The following TNIK variants were observed in gnomAD, a reference collection of about 807,000 sequenced individuals.
TNIK encodes TRAF2 and NCK interacting kinase.
TNIK carries 49 observed loss-of-function variants against 191.3 expected under a neutral mutation model. The observed-to-expected ratio is 0.26, with a 90% CI of 0.20 to 0.32. The LOEUF is 0.32. Ranked by LOEUF, TNIK falls within the 10% of genes least tolerant of loss-of-function variation. The pLI, the probability that TNIK is intolerant of heterozygous loss-of-function variation, is 1.00. For synonymous variants in TNIK, 594 were observed against 600.9 expected, an observed-to-expected ratio of 0.99 and a Z score of 0.17; for missense variants, 1,155 against 1,702.3, an observed-to-expected ratio of 0.68 and a Z score of 5.66.
At chr3:171,193,278 GC>G (rs1329841388) in intron 5 of TNIK, among the ~76,000 whole-genome samples, 1 of 152,156 alleles carries the variant, frequency 6.6e-6, no homozygotes, top group African/African-American at 2.4e-5. Context: ...CTTCAAGATT[GC>G]CTTGGTTATT....
At chr3:171,186,405 T>G (rs548788885) in intron 7 of TNIK, among the ~76,000 whole-genome samples, 4 of 152,250 alleles carry the variant, frequency 2.6e-5, no homozygotes, top group Non-Finnish European at 5.9e-5. Flanking sequence ...TACTATTTGA[T>G]TTGTCTAAGA....
In TNIK at chr3:171,087,337, C is replaced by T; in HGVS notation, c.2886+5G>A. On this transcript the variant is annotated splice_donor_5th_base_variant and intron_variant, in intron 24 of 32. Coordinates refer to ENST00000436636, the MANE Select transcript of TNIK (RefSeq NM_015028.4). ...CTGTCATGTCAGCTGTTGCCCAGCA[C>T]CTACTTCAGTCCCAGAGTCCATCTC... 1 of 1,613,788 alleles carries T rather than the reference C, an allele frequency of 6.2e-7. No individual in the cohort carries two copies. Among genetic ancestry groups the T allele is most frequent in the Non-Finnish European group, 8.5e-7 (1 of 1,179,858 alleles).
At chr3:171,295,890 C>T (rs1345313864) in intron 2 of TNIK, among the ~76,000 whole-genome samples, 2 of 152,196 alleles carry the variant, frequency 1.3e-5, no homozygotes, top group Non-Finnish European at 2.9e-5. Context: ...CTCCCAGGAT[C>T]TTTCTTTGAC....
chr3:171,415,973 C>CAAAAAAAAAAAAAAAAAAAAAAAAAAA (rs769531813), intron 1 of TNIK, among the ~76,000 whole-genome samples: 1 of 12,590 alleles, frequency 7.9e-5, no homozygotes, highest in Non-Finnish European at 1.3e-4. Flanking sequence ...GAGACTGTCT[C>CAAAAAAAAAAAAAAAAAAAAAAAAAAA]AAAAAAAAAA....
chr3:171,370,321 A>T (rs1716315154), intron 1 of TNIK, among the ~76,000 whole-genome samples: 1 of 152,222 alleles, frequency 6.6e-6, no homozygotes, highest in African/African-American at 2.4e-5. Context: ...AGGATTTAGA[A>T]TGCAAACTAA....
chr3:171,080,597 C>T (rs555812597), intron 27 of TNIK, among the ~76,000 whole-genome samples: 13 of 152,126 alleles, frequency 8.5e-5, no homozygotes, highest in African/African-American at 2.9e-4. Context: ...TCCCAGCATG[C>T]TCAGCTAATT....
At chr3:171,195,499 C>G (rs1313988024) in intron 4 of TNIK, among the ~76,000 whole-genome samples, 1 of 152,084 alleles carries the variant, frequency 6.6e-6, no homozygotes. Flanking sequence ...AGAGACAGAA[C>G]TAAAATGGAG....
At chr3:171,171,165 T>C (rs1185498141) in intron 9 of TNIK, among the ~76,000 whole-genome samples, 3 of 152,344 alleles carry the variant, frequency 2.0e-5, no homozygotes, top group South Asian at 4.1e-4. Context: ...TGGGCTGTTA[T>C]CTCCAAGAAG....
At chr3:171,232,228 T>C (rs559276491) in intron 2 of TNIK, among the ~76,000 whole-genome samples, 32 of 152,098 alleles carry the variant, frequency 2.1e-4, no homozygotes, top group Admixed American at 8.5e-4. Context: ...TGCACGTCTG[T>C]ACACCCAGCT....
intron 15 of TNIK, among the ~76,000 whole-genome samples, chr3:171,134,509 T>C (rs1729708121): frequency 6.6e-6 from 1 of 152,208 alleles, no homozygotes; most frequent in South Asian, 2.1e-4. Flanking sequence ...CTCTAACTAC[T>C]CCTGGGTTCC....
At chr3:171,251,992 C>T (rs1318565278) in intron 2 of TNIK, among the ~76,000 whole-genome samples, 2 of 149,896 alleles carry the variant, frequency 1.3e-5, no homozygotes, top group African/African-American at 5.0e-5. Context: ...AGGGCAATTG[C>T]AACATTTTTG....
At chr3:171,206,253 A>G (rs924048892) in intron 4 of TNIK, among the ~76,000 whole-genome samples, 3 of 151,694 alleles carry the variant, frequency 2.0e-5, no homozygotes, top group Admixed American at 6.6e-5. Context: ...ATGTATATAT[A>G]TGATGATATG....
At chr3:171,390,778 G>C (rs1719397125) in intron 1 of TNIK, among the ~76,000 whole-genome samples, 2 of 152,212 alleles carry the variant, frequency 1.3e-5, no homozygotes, top group Admixed American at 1.3e-4. Flanking sequence ...TGAGATAACT[G>C]TGCTGGCTTA....
chr3:171,367,488 G>A (rs1409090589), intron 2 of TNIK, among the ~76,000 whole-genome samples: 7 of 149,346 alleles, frequency 4.7e-5, no homozygotes, highest in Admixed American at 2.0e-4. Context: ...GGGGGGGGAG[G>A]GGACAGAGTC....
At chr3:171,206,503 C>T (rs1193536642) in intron 4 of TNIK, among the ~76,000 whole-genome samples, 1 of 152,064 alleles carries the variant, frequency 6.6e-6, no homozygotes, top group South Asian at 2.1e-4. Flanking sequence ...AGTACAATAC[C>T]TCCCATTAAC....
chr3:171,129,741 C>T (rs923285948), intron 15 of TNIK, among the ~76,000 whole-genome samples: 1 of 152,190 alleles, frequency 6.6e-6, no homozygotes, highest in Non-Finnish European at 1.5e-5. Flanking sequence ...AAATGCTGAG[C>T]CAGTGAATGC....
chr3:171,305,803 T>C (rs1219780682), intron 2 of TNIK, among the ~76,000 whole-genome samples: 1 of 152,168 alleles, frequency 6.6e-6, no homozygotes, highest in Non-Finnish European at 1.5e-5. Context: ...GAAAGCAATG[T>C]GGAGATTACT....
Position 171,446,643 on chromosome 3 carries a change from C to A in TNIK, c.57+13364G>T, listed in dbSNP as rs954941391. 2.0e-5 allele frequency among the ~76,000 whole-genome samples: 3 copies of A among 152,168 alleles called. No individual in the cohort carries two copies. The South Asian group carries it at 6.2e-4, about 31-fold the overall frequency. Reference sequence around the variant, plus strand: ...TTCCTGTTCTATCTTCTATTTTCTCCATTAGAATCTTAAAATATCTACCTA... The same window carrying A: ...TTCCTGTTCTATCTTCTATTTTCTCAATTAGAATCTTAAAATATCTACCTA... On this transcript the variant is annotated intron_variant, in intron 1 of 32. Transcript: ENST00000436636.
chr3:171,219,997 G>A (rs901713263), intron 3 of TNIK, among the ~76,000 whole-genome samples: 2 of 152,132 alleles, frequency 1.3e-5, no homozygotes, highest in Non-Finnish European at 2.9e-5. Flanking sequence ...CAACCCAAAT[G>A]CCCATCAATG....
Sources: allele counts gnomAD v4.1 joint callset (sites outside exome capture counted in the v4.1 genomes callset), GRCh38; gene constraint gnomAD v4.1.1; transcripts MANE v1.5; gene names NCBI Gene and HGNC (gene_info 2026-07-23, HGNC 2026-07-21).